Variants in AGPAT4 observed in about 807,000 individuals in gnomAD.
AGPAT4 encodes the protein 1-acyl-sn-glycerol-3-phosphate acyltransferase delta.
Under a neutral mutation model 48.0 loss-of-function variants are expected in AGPAT4, and 15 were observed. The ratio of observed to expected loss-of-function variants is 0.31; its 90% confidence interval spans 0.21 to 0.48. The LOEUF (loss-of-function observed/expected upper bound fraction) is 0.48. Among genes scored for constraint, AGPAT4 ranks in the 20% least tolerant of loss-of-function variants. The probability of loss-of-function intolerance (pLI) is 0.99; values close to 1 mark genes in which losing one functional copy is unlikely to be tolerated. For synonymous variants in AGPAT4, 178 were observed against 198.7 expected, an observed-to-expected ratio of 0.90 and a Z score of 0.88; for missense variants, 314 against 482.5, an observed-to-expected ratio of 0.65 and a Z score of 3.27.
At chr6:161,194,526 C>A (rs796676669) in intron 2 of AGPAT4, among the ~76,000 whole-genome samples, 1 of 147,424 alleles carries the variant, frequency 6.8e-6, no homozygotes, top group Non-Finnish European at 1.5e-5. Context: ...ATGTGTGTGT[C>A]TGTGTGTCTA....
Position 161,240,221 on chromosome 6 carries a change from T to TACACACAC in AGPAT4, c.-89-7927_-89-7920dup, listed in dbSNP as rs58550351. Among the ~76,000 whole-genome samples, 43 of 144,330 alleles carry TACACACAC rather than the reference T, an allele frequency of 3.0e-4. No homozygotes were observed. The highest frequency in any genetic ancestry group is 6.1e-4 in the Non-Finnish European group (40 of 65,986). 94.7% of individuals were successfully genotyped at this position (144,330 alleles called of 152,430 possible). A position where few individuals can be genotyped will look rare whatever the true frequency, so the allele number is the denominator to read the frequency against. ...CACTAACAGCAGATATCTTTGTGTA[T>TACACACAC]ACACACACACACACACACACACACA... On this transcript the variant is annotated intron_variant, in intron 1 of 8. Transcript: ENST00000320285. This position sits in a 1 kb window ranked among gnomAD's most constrained non-coding sequence, Gnocchi z 5.5.
intron 1 of AGPAT4, among the ~76,000 whole-genome samples, chr6:161,260,251 G>C (rs1164680317): frequency 6.6e-6 from 1 of 152,166 alleles, no homozygotes; most frequent in African/African-American, 2.4e-5. Context: ...CCTGGGGAAT[G>C]AACACTGACC....
At chr6:161,175,947 T>C (rs1780416305) in intron 2 of AGPAT4, among the ~76,000 whole-genome samples, 1 of 152,232 alleles carries the variant, frequency 6.6e-6, no homozygotes, top group Non-Finnish European at 1.5e-5. Context: ...TTGAGTGGTT[T>C]TGAGTGAGTT....
Position 161,171,899 on chromosome 6 carries a change from CAAAAACA to C in AGPAT4, c.179-5489_179-5483del, listed in dbSNP as rs138171976. ...TGGGTGACAGAGCAAGACTCCATCT[CAAAAACA>C]AAAAACAAAAAACAAAAAACCAAAA... On this transcript the variant is annotated intron_variant, in intron 2 of 8. Transcript: ENST00000320285. This position sits in a 1 kb window ranked among gnomAD's most constrained non-coding sequence, Gnocchi z 4.4. Among the ~76,000 whole-genome samples the C allele has an allele frequency of 0.012, 1,776 of 152,038 alleles. 39 individuals are homozygous for C. The highest frequency in any genetic ancestry group is 0.04 in the African/African-American group (1,668 of 41,454).
In AGPAT4 at chr6:161,214,964, G is replaced by A. The variant is rs1372432425; in HGVS notation, c.178+17072C>T. ...GCTGGCCTGCCTTAGATAAGACTGA[G>A]ACAAAGGCAACAGGCCCATCTGCAG... On this transcript the variant is annotated intron_variant, in intron 2 of 8. Transcript: ENST00000320285. This position sits in a 1 kb window ranked among gnomAD's most constrained non-coding sequence, Gnocchi z 5.4. Among the ~76,000 whole-genome samples the A allele has an allele frequency of 6.6e-6, 1 of 152,088 alleles. No individual in the cohort carries two copies. Among genetic ancestry groups the A allele is most frequent in the Non-Finnish European group, 1.5e-5 (1 of 68,032 alleles).
rs559147614 is a variant in AGPAT4 at position 161,243,859 on chromosome 6, G to A, written c.-89-11557C>T. Among the ~76,000 whole-genome samples, 102 of 152,266 alleles carry A rather than the reference G, an allele frequency of 6.7e-4. 1 individual carries two copies. Among genetic ancestry groups the A allele is most frequent in the African/African-American group, 2.2e-3 (93 of 41,554 alleles). ...AGCCTGACAACCACTCATCTCCAGG[G>A]TGACCCTGAGCTGAAGTGACTCCTA... is the stretch of plus-strand genomic sequence containing the variant. On this transcript the variant is annotated intron_variant, in intron 1 of 8. Transcript: ENST00000320285. This position sits in a 1 kb window ranked among gnomAD's most constrained non-coding sequence, Gnocchi z 4.8.
intron 2 of AGPAT4, among the ~76,000 whole-genome samples, chr6:161,168,270 T>A (rs916933300): frequency 2.6e-5 from 4 of 152,206 alleles, no homozygotes; most frequent in African/African-American, 9.6e-5. Flanking sequence ...GAAGGATCAA[T>A]CTACTCCATT....
In AGPAT4 at chr6:161,256,775, A is replaced by G. The variant is rs368469305; in HGVS notation, c.-90+17163T>C. Among the ~76,000 whole-genome samples the G allele has an allele frequency of 9.2e-5, 14 of 152,358 alleles. 1 individual carries two copies. The South Asian group carries it at 1.9e-3, about 20-fold the overall frequency. ...ATTAATGAAATCAGTGGGGAGATAA[A>G]TAATTGAAGGGAAAGAAATGGGTTC... On this transcript the variant is annotated intron_variant, in intron 1 of 8. Transcript: ENST00000320285.
intron 2 of AGPAT4, among the ~76,000 whole-genome samples, chr6:161,192,142 C>CTTTTT (rs573872820): frequency 1.5e-4 from 7 of 45,612 alleles, no homozygotes; most frequent in Admixed American, 4.0e-4. Flanking sequence ...AGAAGTTATA[C>CTTTTT]TTTTTTTTTT....
chr6:161,176,878 T>C (rs1409622391), intron 2 of AGPAT4, among the ~76,000 whole-genome samples: 2 of 152,188 alleles, frequency 1.3e-5, no homozygotes, highest in African/African-American at 4.8e-5. Context: ...CTGTAAAGGA[T>C]TTTATTTCTC....
At chr6:161,172,433 G>C (rs1233276251) in intron 2 of AGPAT4, among the ~76,000 whole-genome samples, 2 of 152,050 alleles carry the variant, frequency 1.3e-5, no homozygotes, top group Non-Finnish European at 2.9e-5. Flanking sequence ...GTGTGGAGAG[G>C]GCATCCCAAG....
chr6:161,152,809 C>T (rs1483403176), intron 5 of AGPAT4, among the ~76,000 whole-genome samples: 2 of 152,160 alleles, frequency 1.3e-5, no homozygotes, highest in East Asian at 1.9e-4. Flanking sequence ...GCCAGGTGTG[C>T]AGAAGGACAC....
Position 161,146,959 on chromosome 6 carries a change from G to A in AGPAT4, c.768-360C>T, listed in dbSNP as rs73595044. Among the ~76,000 whole-genome samples, 39 of 152,168 alleles carry A rather than the reference G, an allele frequency of 2.6e-4. No homozygotes were observed. Among genetic ancestry groups the A allele is most frequent in the African/African-American group, 8.9e-4 (37 of 41,508 alleles). On this transcript the variant is annotated intron_variant, in intron 6 of 8. Transcript: ENST00000320285. This position sits in a 1 kb window ranked among gnomAD's most constrained non-coding sequence, Gnocchi z 7.1. The stretch of plus-strand genomic sequence containing the variant: ...GACAACACTGCCTCAGTTTCCACAC[G>A]AGACAATCCAATATACACAGAATCG...
At position 161,255,108 on chromosome 6, in the gene AGPAT4, C is replaced by T. The variant is rs1476806103; in HGVS notation, c.-90+18830G>A. Among the ~76,000 whole-genome samples the T allele has an allele frequency of 1.3e-5, 2 of 152,186 alleles. No individual in the cohort carries two copies. Among genetic ancestry groups the T allele is most frequent in the Admixed American group, 1.3e-4 (2 of 15,278 alleles). On this transcript the variant is annotated intron_variant, in intron 1 of 8. Coordinates refer to ENST00000320285, the MANE Select transcript of AGPAT4 (RefSeq NM_020133.3). This position sits in a 1 kb window ranked among gnomAD's most constrained non-coding sequence, Gnocchi z 4.7. ...CCCTGTGATAAACTCCAGATCATCA[C>T]CACCACAGGGCCCTGCTCCCAGCTA...
Position 161,240,357 on chromosome 6 carries a change from A to T in AGPAT4, c.-89-8055T>A, listed in dbSNP as rs1782451118. 6.6e-6 allele frequency among the ~76,000 whole-genome samples: 1 copy of T among 152,010 alleles called. No homozygotes were observed. On this transcript the variant is annotated intron_variant, in intron 1 of 8. Coordinates refer to ENST00000320285, the MANE Select transcript of AGPAT4 (RefSeq NM_020133.3). This position sits in a 1 kb window ranked among gnomAD's most constrained non-coding sequence, Gnocchi z 5.5. Reference sequence around the variant, plus strand: ...CCTTAGGAAGAAACTGACAAGGTGCACTCCAAGATCCCTTCCAAGTCAAAC... The same window carrying T: ...CCTTAGGAAGAAACTGACAAGGTGCTCTCCAAGATCCCTTCCAAGTCAAAC...
In AGPAT4 at chr6:161,225,909, C is replaced by T. The variant is rs1278380701; in HGVS notation, c.178+6127G>A. ...GGTCTGAGAGGCTTTAAATTCCCTT[C>T]ATCATGGGTCACGGGTCTTTTAAAT... On this transcript the variant is annotated intron_variant, in intron 2 of 8. Coordinates refer to ENST00000320285, the MANE Select transcript of AGPAT4 (RefSeq NM_020133.3). This position sits in a 1 kb window ranked among gnomAD's most constrained non-coding sequence, Gnocchi z 5.0. Among the ~76,000 whole-genome samples the T allele has an allele frequency of 6.6e-6, 1 of 152,182 alleles. No homozygotes were observed. Among genetic ancestry groups the T allele is most frequent in the Non-Finnish European group, 1.5e-5 (1 of 68,034 alleles).
In AGPAT4 at chr6:161,226,589, C is replaced by G. The variant is rs114791639; in HGVS notation, c.178+5447G>C. ...GGTCAAGTTGACAAACATCAGGAAGCTGCCGCCCTCCATCTTCTCTCACTT... is the reference window on the plus strand; with the variant it reads ...GGTCAAGTTGACAAACATCAGGAAGGTGCCGCCCTCCATCTTCTCTCACTT... On this transcript the variant is annotated intron_variant, in intron 2 of 8. Coordinates refer to ENST00000320285, the MANE Select transcript of AGPAT4 (RefSeq NM_020133.3). This position sits in a 1 kb window ranked among gnomAD's most constrained non-coding sequence, Gnocchi z 6.3. Among the ~76,000 whole-genome samples, 34 of 152,340 alleles carry G rather than the reference C, an allele frequency of 2.2e-4. No individual in the cohort carries two copies. Among genetic ancestry groups the G allele is most frequent in the African/African-American group, 8.2e-4 (34 of 41,588 alleles).
At position 161,235,717 on chromosome 6, in the gene AGPAT4, G is replaced by A. The variant is rs966954351; in HGVS notation, c.-89-3415C>T. 1.3e-5 allele frequency among the ~76,000 whole-genome samples: 2 copies of A among 151,884 alleles called. No homozygotes were observed. The highest frequency in any genetic ancestry group is 2.9e-5 in the Non-Finnish European group (2 of 67,926). On this transcript the variant is annotated intron_variant, in intron 1 of 8. Transcript: ENST00000320285. This position sits in a 1 kb window ranked among gnomAD's most constrained non-coding sequence, Gnocchi z 6.2. The stretch of plus-strand genomic sequence containing the variant: ...CATCTTACAAGGCAGGAGGAAGAGC[G>A]AGAGAGAGAGAAGGGGGAGGTGCCA...
chr6:161,265,750 G>A (rs1047731418), intron 1 of AGPAT4, among the ~76,000 whole-genome samples: 1 of 152,080 alleles, frequency 6.6e-6, no homozygotes, highest in East Asian at 1.9e-4. Flanking sequence ...TGTGGAAGGG[G>A]TCCTATCAGG....
Sources: allele counts gnomAD v4.1 joint callset (sites outside exome capture counted in the v4.1 genomes callset), GRCh38; gene constraint gnomAD v4.1.1; non-coding constraint Gnocchi (gnomAD v3.1); transcripts MANE v1.5; gene names NCBI Gene and HGNC (gene_info 2026-07-23, HGNC 2026-07-21).